Variants in TFAP2D observed in about 807,000 individuals in gnomAD.
TFAP2D encodes transcription factor AP-2 delta.
Under a neutral mutation model 43.6 loss-of-function variants are expected in TFAP2D, and 9 were observed. The ratio of observed to expected loss-of-function variants is 0.21; its 90% CI spans 0.12 to 0.36. The LOEUF (loss-of-function observed/expected upper bound fraction) is 0.36. TFAP2D is among the 10% of genes least tolerant of loss of function. The probability of loss-of-function intolerance (pLI) is 1.00; values close to 1 mark genes in which losing one functional copy is unlikely to be tolerated. For synonymous variants in TFAP2D, 256 were observed against 224.9 expected (o/e 1.14, Z -1.24); for missense variants, 513 against 561.4 (o/e 0.91, Z 0.87).
At chr6:50,769,077 A>G (rs1457822257) in intron 7 of TFAP2D, among the ~76,000 whole-genome samples, 1 of 151,406 alleles carries the variant, frequency 6.6e-6, no homozygotes, top group Non-Finnish European at 1.5e-5. Context: ...TTGTATTTTT[A>G]GTAGAGACAG....
intron 3 of TFAP2D, among the ~76,000 whole-genome samples, chr6:50,728,416 C>T (rs896075732): frequency 6.6e-6 from 1 of 152,132 alleles, no homozygotes; most frequent in African/African-American, 2.4e-5. Context: ...TTGGAAAAGA[C>T]AGTAATTGTG....
At chr6:50,714,158 C>CGGCGGT in intron 1 of TFAP2D, 64 bp downstream of exon 1, 1 of 1,521,490 alleles carries the variant, frequency 6.6e-7, no homozygotes. Flanking sequence ...GCGGCGGTGG[C>CGGCGGT]GGCGGTGGCG....
chr6:50,729,881 G>A (rs1230528331), intron 5 of TFAP2D, among the ~76,000 whole-genome samples: 1 of 152,118 alleles, frequency 6.6e-6, no homozygotes, highest in Non-Finnish European at 1.5e-5. Flanking sequence ...AAATGGAAAT[G>A]AATATATTCC....
chr6:50,737,016 C>T lies in TFAP2D; in HGVS notation c.883+7704C>T, dbSNP rs548861776. Among the ~76,000 whole-genome samples the T allele has an allele frequency of 5.9e-5, 9 of 152,026 alleles. No individual in the cohort carries two copies. The East Asian group carries it at 9.7e-4, about 16-fold the overall frequency. On this transcript the variant is annotated intron_variant, in intron 5 of 7. Coordinates refer to ENST00000008391, the MANE Select transcript of TFAP2D (RefSeq NM_172238.4). ...TTTTTAGAGACAGTCTTAAGAGCTC[C>T]GTTGTCCAGACTGGAGTGTAGTGGC...
chr6:50,757,220 A>G (rs938678132), intron 7 of TFAP2D, among the ~76,000 whole-genome samples: 1 of 149,234 alleles, frequency 6.7e-6, no homozygotes, highest in Admixed American at 6.8e-5. Flanking sequence ...CCCATTCTTT[A>G]GAACTTCTAA....
chr6:50,766,755 G>A lies in TFAP2D; in HGVS notation c.1140-5890G>A, dbSNP rs867833045. 3.1e-3 allele frequency among the ~76,000 whole-genome samples: 417 copies of A among 135,412 alleles called. 1 individual carries two copies. Among genetic ancestry groups the A allele is most frequent in the Middle Eastern group, 8.8e-3 (2 of 226 alleles). 88.8% of individuals were successfully genotyped at this position (135,412 alleles called of 152,430 possible). The stretch of plus-strand genomic sequence containing the variant: ...GCAATCTCGGCTCACTGCAAGCTCC[G>A]CTTCCCGGGTTCACGCCATTCTCCT... On this transcript the variant is annotated intron_variant, in intron 7 of 7. Transcript: ENST00000008391.
At chr6:50,715,761 A>ACC in intron 2 of TFAP2D, 148 bp downstream of exon 2, 1 of 739,352 alleles carries the variant, frequency 1.4e-6, no homozygotes, top group Non-Finnish European at 2.2e-6. Context: ...ACACACACAC[A>ACC]CACACACACA....
Position 50,769,815 on chromosome 6 carries a change from G to A in TFAP2D, c.1140-2830G>A, listed in dbSNP as rs778553698. On this transcript the variant is annotated intron_variant, in intron 7 of 7. Coordinates refer to ENST00000008391, the MANE Select transcript of TFAP2D (RefSeq NM_172238.4). ...TAACTTCTCTGGGACTCAGTTCTTC[G>A]TCTGTAAAATGGAAATAATATTATC... Among the ~76,000 whole-genome samples, 14 of 152,234 alleles carry A rather than the reference G, an allele frequency of 9.2e-5. 1 individual carries two copies. The highest frequency in any genetic ancestry group is 2.2e-4 in the African/African-American group (9 of 41,550).
chr6:50,727,072 C>A (rs1229025556), intron 3 of TFAP2D, among the ~76,000 whole-genome samples: 2 of 152,162 alleles, frequency 1.3e-5, no homozygotes, highest in Non-Finnish European at 2.9e-5. Flanking sequence ...GTGCACAGGA[C>A]CTAACTTCTA....
intron 3 of TFAP2D, among the ~76,000 whole-genome samples, chr6:50,724,187 C>T (rs1306464032): frequency 4.6e-5 from 7 of 151,988 alleles, no homozygotes; most frequent in Non-Finnish European, 1.0e-4. Context: ...GAATAATTCT[C>T]CCCACCCAAC....
At chr6:50,719,666 A>T (rs1171521249) in intron 3 of TFAP2D, among the ~76,000 whole-genome samples, 1 of 152,176 alleles carries the variant, frequency 6.6e-6, no homozygotes, top group African/African-American at 2.4e-5. Context: ...TTGAGGCTTC[A>T]GGGGAGGCTA....
chr6:50,745,417 A>C (rs1417180498), intron 6 of TFAP2D, among the ~76,000 whole-genome samples, 169 bp downstream of exon 6: 1 of 152,160 alleles, frequency 6.6e-6, no homozygotes, highest in African/African-American at 2.4e-5. Flanking sequence ...TTTGGTGCCC[A>C]GGCAAGGTTT....
In TFAP2D at chr6:50,745,221, C is replaced by A. The variant is rs1769108779; in HGVS notation, c.998C>A (p.Ala333Glu). ...CATATGGAACAGAAAGAACAGACAG[C>A]AAGAAAAAAGATGATCCTGGCGACC... ...RQHMEQKEQTARKKMILATKQ... is the reference protein window; with the variant it reads ...RQHMEQKEQTERKKMILATKQ... Residue 333 changes from alanine to glutamate, a missense_variant, in exon 6 of 8, where the codon GCA becomes GAA. By Grantham distance (107) the Ala-to-Glu change is moderately radical. Transcript: ENST00000008391. The A allele has an allele frequency of 6.2e-7, 1 of 1,612,968 alleles. No individual in the cohort carries two copies. The highest frequency in any genetic ancestry group is 1.7e-5 in the Admixed American group (1 of 59,828).
At chr6:50,722,293 T>A in intron 3 of TFAP2D, among the ~76,000 whole-genome samples, 1 of 152,216 alleles carries the variant, frequency 6.6e-6, no homozygotes, top group East Asian at 1.9e-4. Flanking sequence ...CGCGTATCGA[T>A]AGCTTCTTTC....
intron 7 of TFAP2D, among the ~76,000 whole-genome samples, chr6:50,755,090 T>TGTC (rs1561939551): frequency 1.3e-5 from 2 of 152,042 alleles, no homozygotes; most frequent in Non-Finnish European, 2.9e-5. Flanking sequence ...TACAGCCGTA[T>TGTC]GTCTTGTTTT....
intron 7 of TFAP2D, among the ~76,000 whole-genome samples, chr6:50,761,010 T>C (rs536539105): frequency 6.6e-6 from 1 of 151,288 alleles, no homozygotes; most frequent in Admixed American, 6.6e-5. Flanking sequence ...AAGCCTGTGG[T>C]AACTGAATAA....
chr6:50,754,243 G>T (rs1398225844), intron 7 of TFAP2D, among the ~76,000 whole-genome samples: 1 of 151,814 alleles, frequency 6.6e-6, no homozygotes, highest in Non-Finnish European at 1.5e-5. Context: ...TTTGTAACTG[G>T]CTTATTTCAC....
At chr6:50,762,718 C>T (rs1210535802) in intron 7 of TFAP2D, among the ~76,000 whole-genome samples, 1 of 152,088 alleles carries the variant, frequency 6.6e-6, no homozygotes, top group East Asian at 1.9e-4. Flanking sequence ...CATCAGGTGC[C>T]ATAAACTACA....
At chr6:50,768,205 C>A (rs1164765025) in intron 7 of TFAP2D, among the ~76,000 whole-genome samples, 3 of 149,728 alleles carry the variant, frequency 2.0e-5, no homozygotes, top group African/African-American at 4.9e-5. Flanking sequence ...TTGCAGGTGA[C>A]CTTAGTCTTA....
Sources: gnomAD v4.1 joint callset for allele counts (sites outside exome capture counted in the v4.1 genomes callset) on GRCh38, gnomAD v4.1.1 for gene constraint, MANE v1.5 for transcripts, NCBI Gene and HGNC (gene_info 2026-07-23, HGNC 2026-07-21) for gene names.